Variants in EPB41L3 observed in about 807,000 individuals in gnomAD.
EPB41L3 encodes the protein band 4.1-like protein 3.
In EPB41L3, 57 loss-of-function variants were observed where a neutral mutation model predicts 127.1. The observed-to-expected ratio is 0.45, with a 90% CI of 0.36 to 0.56. The LOEUF (loss-of-function observed/expected upper bound fraction) is 0.56. EPB41L3 is among the 20% of genes least tolerant of loss of function. EPB41L3 has a pLI of 0.00. For synonymous variants in EPB41L3, 572 were observed against 549.5 expected, an observed-to-expected ratio of 1.04 and a Z score of -0.57; for missense variants, 1,273 against 1,372.2, an observed-to-expected ratio of 0.93 and a Z score of 1.14.
intron 1 of EPB41L3, among the ~76,000 whole-genome samples, chr18:5,501,940 T>C (rs1353152906): frequency 2.6e-5 from 4 of 152,188 alleles, no homozygotes; most frequent in African/African-American, 9.7e-5. Flanking sequence ...CTGTTCACTG[T>C]GGGCCTGTAG....
Position 5,428,316 on chromosome 18 carries a change from T to C in EPB41L3, c.1062A>G (p.Gly354=), listed in dbSNP as rs1328256042. The C allele has an allele frequency of 7.4e-6, 12 of 1,614,032 alleles. No individual in the cohort carries two copies. Among genetic ancestry groups the C allele is most frequent in the Non-Finnish European group, 1.0e-5 (12 of 1,180,026 alleles). The change falls in exon 9 of 23, where the codon GGA becomes GGG. Residue 354 remains glycine (G), a synonymous_variant. Coordinates refer to ENST00000341928, the MANE Select transcript of EPB41L3 (RefSeq NM_012307.5). ...AGGCAAATGTGGGTATACTTACCTC[T>C]CCCGGCCGGATCTTAATGTAAAAGT... ...RNNFYIKIRP[G]EFEQFESTIG...
At chr18:5,466,542 C>A (rs186038163) in intron 3 of EPB41L3, among the ~76,000 whole-genome samples, 1 of 152,170 alleles carries the variant, frequency 6.6e-6, no homozygotes, top group Non-Finnish European at 1.5e-5. Context: ...AAATCATGCA[C>A]GCAACACGCC....
At chr18:5,500,431 A>G (rs1477383223) in intron 1 of EPB41L3, among the ~76,000 whole-genome samples, 2 of 152,202 alleles carry the variant, frequency 1.3e-5, no homozygotes, top group African/African-American at 2.4e-5. Context: ...CCACCAAATA[A>G]GAGCTCTCCA....
intron 1 of EPB41L3, among the ~76,000 whole-genome samples, chr18:5,523,432 T>A (rs57829949): frequency 0.01 from 1,590 of 152,326 alleles, 27 homozygotes; most frequent in African/African-American, 0.036. Context: ...AAAATTTACA[T>A]ACAATCTTGT....
intron 1 of EPB41L3, among the ~76,000 whole-genome samples, chr18:5,542,048 T>C (rs2093745064): frequency 6.6e-6 from 1 of 152,372 alleles, no homozygotes; most frequent in African/African-American, 2.4e-5. Context: ...AATTAACAAA[T>C]TGAAGTCACG....
chr18:5,507,733 T>C (rs927997855), intron 1 of EPB41L3, among the ~76,000 whole-genome samples: 1 of 152,172 alleles, frequency 6.6e-6, no homozygotes, highest in Non-Finnish European at 1.5e-5. Flanking sequence ...TATTCCAGTA[T>C]TAAAAAAAGA....
intron 14 of EPB41L3, among the ~76,000 whole-genome samples, chr18:5,408,440 A>T (rs1482208404): frequency 4.0e-5 from 6 of 151,120 alleles, no homozygotes; most frequent in African/African-American, 1.5e-4. Flanking sequence ...TGCCTAGCTA[A>T]TTTTTTGTAT....
At position 5,421,840 on chromosome 18, in the gene EPB41L3, G is replaced by A. The variant is rs1008693243; in HGVS notation, c.1339+1538C>T. Among the ~76,000 whole-genome samples the A allele has an allele frequency of 5.9e-5, 9 of 152,078 alleles. No homozygotes were observed. The South Asian group carries it at 1.5e-3, about 25-fold the overall frequency. ...AAGGCAGACAGTGGCGGGGGTGGTG[G>A]TGACGGATAAAAAACTACATATTGG... On this transcript the variant is annotated intron_variant, in intron 11 of 22. Transcript: ENST00000341928.
At chr18:5,514,606 T>C (rs1333655778) in intron 1 of EPB41L3, among the ~76,000 whole-genome samples, 1 of 152,208 alleles carries the variant, frequency 6.6e-6, no homozygotes, top group East Asian at 1.9e-4. Flanking sequence ...TCAAGAAATG[T>C]CAAAACATTA....
At chr18:5,466,281 A>G (rs1212530473) in intron 3 of EPB41L3, 1 of 152,212 alleles carries the variant, frequency 6.6e-6, no homozygotes, top group Non-Finnish European at 1.5e-5. Context: ...TTTTGTGATA[A>G]AAGTCAAAAA....
At position 5,562,290 on chromosome 18, in the gene EPB41L3, T is replaced by C. The variant is rs2094144413; in HGVS notation, c.-306+50050A>G. On this transcript the variant is annotated intron_variant, in intron 3 of 21. Coordinates refer to the EPB41L3 transcript ENST00000545076. ...ACTCCTCTGTATGTCTAAAACTATT[T>C]CAAAATAAAAAGTTTAAAGGTAAAA... Among the ~76,000 whole-genome samples, 3 of 152,182 alleles carry C rather than the reference T, an allele frequency of 2.0e-5. No individual in the cohort carries two copies. The South Asian group carries it at 6.2e-4, about 32-fold the overall frequency.
intron 1 of EPB41L3, among the ~76,000 whole-genome samples, chr18:5,627,815 CA>C (rs1366989817): frequency 6.6e-6 from 1 of 152,184 alleles, no homozygotes; most frequent in South Asian, 2.1e-4. Flanking sequence ...AGCCTAGCTG[CA>C]AACTCGGTTT....
At chr18:5,409,520 A>C (rs2075927926) in intron 14 of EPB41L3, among the ~76,000 whole-genome samples, 1 of 152,166 alleles carries the variant, frequency 6.6e-6, no homozygotes. Context: ...ATCATCTTTA[A>C]TGTTAAAAAC....
At chr18:5,475,747 A>G (rs4798368) in intron 3 of EPB41L3, among the ~76,000 whole-genome samples, 51,887 of 152,080 alleles carry the variant, frequency 0.34, 9,140 homozygotes, top group East Asian at 0.48. Context: ...GCTTTGCTTC[A>G]GCGTCCCACA....
chr18:5,526,291 C>T (rs1290180516), intron 1 of EPB41L3, among the ~76,000 whole-genome samples: 1 of 152,180 alleles, frequency 6.6e-6, no homozygotes. Flanking sequence ...TCACGTGGAT[C>T]ATCACTGAGG....
intron 1 of EPB41L3, among the ~76,000 whole-genome samples, chr18:5,501,677 C>G (rs2091761265): frequency 6.6e-6 from 1 of 152,198 alleles, no homozygotes; most frequent in Admixed American, 6.5e-5. Context: ...AAATGGAGGA[C>G]TCTTCTGGCA....
chr18:5,563,833 G>A (rs916255096), intron 3 of EPB41L3, among the ~76,000 whole-genome samples: 2 of 152,166 alleles, frequency 1.3e-5, no homozygotes, highest in African/African-American at 2.4e-5. Context: ...TGCTCATGAG[G>A]CATCTAATTC....
chr18:5,468,923 AAAACAAAAAACAAACAAACAAAC>A lies in EPB41L3; in HGVS notation c.381+9295_381+9317del, dbSNP rs1166727984. 8.6e-5 allele frequency among the ~76,000 whole-genome samples: 13 copies of A among 150,444 alleles called. No individual in the cohort carries two copies. In the East Asian group the frequency reaches 2.6e-3, roughly 30 times the overall value. ...AGAGAGACTCCATCTCAAAAAACAAAAAACAAAAAACAAACAAACAAACAAACAAACAAAAAACAAAAAACAAA... is the reference window on the plus strand; with the variant it reads ...AGAGAGACTCCATCTCAAAAAACAAAAAACAAACAAAAAACAAAAAACAAA... On this transcript the variant is annotated intron_variant, in intron 3 of 22. Coordinates refer to ENST00000341928, the MANE Select transcript of EPB41L3 (RefSeq NM_012307.5).
chr18:5,516,640 A>C (rs2148747412), intron 1 of EPB41L3, among the ~76,000 whole-genome samples: 1 of 152,376 alleles, frequency 6.6e-6, no homozygotes, highest in African/African-American at 2.4e-5. Flanking sequence ...GTATGAATAC[A>C]GGGAATGTAA....
Sources: gnomAD v4.1 joint callset for allele counts (sites outside exome capture counted in the v4.1 genomes callset) on GRCh38, gnomAD v4.1.1 for gene constraint, MANE v1.5 for transcripts, NCBI Gene and HGNC (gene_info 2026-07-23, HGNC 2026-07-21) for gene names.